Variants in CYP2B6 observed in about 807,000 individuals in gnomAD.
The protein encoded by CYP2B6 is cytochrome P450 2B6.
A neutral mutation model predicts 43.4 loss-of-function variants in CYP2B6; 35 were observed. The ratio of observed to expected loss-of-function variants is 0.81; its 90% CI spans 0.62 to 1.07. The LOEUF (loss-of-function observed/expected upper bound fraction) is 1.07, where lower values mean the gene tolerates loss of function less well. Ranked by LOEUF, CYP2B6 falls within the 50% of genes least tolerant of loss-of-function variation. CYP2B6 has a pLI of 0.00. For synonymous variants in CYP2B6, 239 were observed against 239.2 expected (o/e 1.00, Z 0.01); for missense variants, 624 against 632.8 (o/e 0.99, Z 0.15).
intron 1 of CYP2B6, among the ~76,000 whole-genome samples, chr19:40,996,064 C>T (rs548144843): frequency 8.5e-4 from 130 of 152,204 alleles, no homozygotes; most frequent in South Asian, 7.7e-3. Context: ...CTAACCTTAT[C>T]GGTCCGGTGA....
Position 41,010,037 on chromosome 19 carries a change from A to T in CYP2B6, c.866A>T (p.Asn289Ile), listed in dbSNP as rs1400093417. 8.1e-6 allele frequency: 13 copies of T among 1,613,936 alleles called. No homozygotes were observed. Among genetic ancestry groups the T allele is most frequent in the Middle Eastern group, 1.6e-4 (1 of 6,084 alleles). ...AGTGAATTCAGCCACCAGAACCTCA[A>T]CCTCAACACGCTCTCGCTCTTCTTT... is the stretch of plus-strand genomic sequence containing the variant. ...AHSEFSHQNL[N>I]LNTLSLFFAG... is the part of the protein sequence containing the mutation. The change falls in exon 6 of 9, where the codon AAC becomes ATC. Residue 289 changes from asparagine to isoleucine, a missense_variant. Transcript: ENST00000324071.
At chr19:41,006,625 G>T (rs1178929273) in intron 3 of CYP2B6, among the ~76,000 whole-genome samples, 1 of 151,908 alleles carries the variant, frequency 6.6e-6, no homozygotes. Flanking sequence ...CTAAATCCTG[G>T]CCTCAGTAAT....
Position 41,012,435 on chromosome 19 carries a change from C to A in CYP2B6, c.1102C>A (p.Pro368Thr). 1 of 1,614,048 alleles carries A rather than the reference C, an allele frequency of 6.2e-7. No homozygotes were observed. The highest frequency in any genetic ancestry group is 1.3e-5 in the African/African-American group (1 of 75,010). ...RFSDLLPMGV[P>T]HIVTQHTSFR... ...TTCCGACCTTCTCCCCATGGGTGTG[C>A]CCCACATTGTCACCCAACACACCAG... is the stretch of plus-strand genomic sequence containing the variant. The change falls in exon 7 of 9, where the codon CCC (proline) becomes ACC (threonine). Residue 368 changes from proline to threonine, a missense_variant. Transcript: ENST00000324071.
At chr19:40,995,246 T>C (rs1968983337) in intron 1 of CYP2B6, among the ~76,000 whole-genome samples, 1 of 152,180 alleles carries the variant, frequency 6.6e-6, no homozygotes, top group Non-Finnish European at 1.5e-5. Flanking sequence ...CAACTGCTTC[T>C]GGGGAAAAAC....
intron 5 of CYP2B6, 70 bp downstream of exon 5, chr19:41,009,465 G>A (rs1355784538): frequency 2.0e-5 from 27 of 1,348,752 alleles, no homozygotes; most frequent in Non-Finnish European, 2.4e-5. Flanking sequence ...GAAGAGGGAG[G>A]GAAAAGGGGT....
intron 8 of CYP2B6, among the ~76,000 whole-genome samples, chr19:41,014,539 T>C (rs551206921): frequency 1.2e-3 from 184 of 152,208 alleles, no homozygotes; most frequent in African/African-American, 4.3e-3. Flanking sequence ...TCTTCTGACC[T>C]TGTGATATGC....
intron 4 of CYP2B6, chr19:41,007,624 AT>A (rs10617307): frequency 0.3 from 44,708 of 146,790 alleles, 7,297 homozygotes; most frequent in African/African-American, 0.43. Context: ...CACCTGGCTA[AT>A]TTTTTTTTTT....
chr19:40,994,161 A>G (rs1670399154), intron 1 of CYP2B6, among the ~76,000 whole-genome samples: 1 of 152,130 alleles, frequency 6.6e-6, no homozygotes, highest in Admixed American at 6.6e-5. Flanking sequence ...GGTTGATAGT[A>G]ATTTCAGTTA....
At chr19:41,008,025 ATT>A (rs1410885394) in intron 4 of CYP2B6, among the ~76,000 whole-genome samples, 2 of 149,252 alleles carry the variant, frequency 1.3e-5, no homozygotes, top group African/African-American at 4.9e-5. Flanking sequence ...GCATTTCTTC[ATT>A]TTCTCCCATT....
At chr19:41,011,165 T>C (rs1969277880) in intron 6 of CYP2B6, among the ~76,000 whole-genome samples, 1 of 152,168 alleles carries the variant, frequency 6.6e-6, no homozygotes, top group South Asian at 2.1e-4. Context: ...ACGAACTAGG[T>C]TTCACTCTTA....
At chr19:40,995,001 C>T (rs749802657) in intron 1 of CYP2B6, among the ~76,000 whole-genome samples, 6 of 151,920 alleles carry the variant, frequency 3.9e-5, no homozygotes, top group Non-Finnish European at 5.9e-5. Context: ...GATTTTGGGG[C>T]GTTGGTTCAG....
In CYP2B6 at chr19:41,009,373, C is replaced by A. The variant is rs749631638; in HGVS notation, c.800C>A (p.Thr267Asn). The stretch of plus-strand genomic sequence containing the variant: ...AGCGCCCCCAAGGACCTCATCGACA[C>A]CTACCTGCTCCACATGGAAAAAGTG... ...DPSAPKDLID[T>N]YLLHMEKEKS... The change falls in exon 5 of 9, where the codon ACC becomes AAC. Residue 267 changes from threonine (T) to asparagine (N), a missense_variant. By Grantham distance (65) the Thr-to-Asn change is moderately conservative. Transcript: ENST00000324071. 20 of 1,582,234 alleles carry A rather than the reference C, an allele frequency of 1.3e-5. 1 individual carries two copies. Among genetic ancestry groups the A allele is most frequent in the Non-Finnish European group, 1.5e-5 (17 of 1,155,658 alleles).
rs1388775859 is a variant in CYP2B6 at position 41,018,139 on chromosome 19, T to C, written c.*1312T>C. On this transcript the variant is annotated 3_prime_UTR_variant, in exon 9 of 9. Transcript: ENST00000324071. Reference sequence around the variant, plus strand: ...TATTACAGGCATAATATGTGATCTTTTGTGTCTGGTTGCTTTCATGTTGAA... The same window carrying C: ...TATTACAGGCATAATATGTGATCTTCTGTGTCTGGTTGCTTTCATGTTGAA... The C allele has an allele frequency of 6.6e-6, 1 of 152,222 alleles. No individual in the cohort carries two copies. Among genetic ancestry groups the C allele is most frequent in the Admixed American group, 6.5e-5 (1 of 15,276 alleles). 9.4% of individuals were successfully genotyped at this position (152,222 alleles called of 1,614,324 possible).
intron 1 of CYP2B6, among the ~76,000 whole-genome samples, chr19:40,997,914 A>T (rs1340317317): frequency 7.9e-5 from 12 of 152,012 alleles, no homozygotes; most frequent in Admixed American, 7.9e-4. Flanking sequence ...AGCCTGGGCA[A>T]CCAAACAAGA....
intron 8 of CYP2B6, among the ~76,000 whole-genome samples, chr19:41,013,298 C>G (rs1568563670): frequency 1.3e-5 from 2 of 152,180 alleles, no homozygotes; most frequent in South Asian, 4.1e-4. Flanking sequence ...GACATGCTCA[C>G]AAGGGCAATT....
chr19:41,012,112 CTAATTTTTTG>C (rs1969293726), intron 6 of CYP2B6, among the ~76,000 whole-genome samples, 176 bp from the exon 7 acceptor site: 1 of 152,070 alleles, frequency 6.6e-6, no homozygotes, highest in East Asian at 1.9e-4. Context: ...GCACACCCAG[CTAATTTTTTG>C]TATTTTTAGG....
Position 41,016,897 on chromosome 19 carries a change from C to G in CYP2B6, c.*70C>G. The G allele has an allele frequency of 6.6e-7, 1 of 1,521,844 alleles. No individual in the cohort carries two copies. Among genetic ancestry groups the G allele is most frequent in the Non-Finnish European group, 8.9e-7 (1 of 1,118,350 alleles). The allele number at this position is 1,521,844 out of a possible 1,614,324, so 94.3% of individuals were successfully genotyped here. On this transcript the variant is annotated 3_prime_UTR_variant, in exon 9 of 9. Coordinates refer to ENST00000324071, the MANE Select transcript of CYP2B6 (RefSeq NM_000767.5). ...GTCCCCGCCTCTGTAGACAATGGCT[C>G]TGACTCCCCGCAACTTCCTGCCTCT...
rs763207202 is a variant in CYP2B6, at chr19:41,012,301, G to C, written c.968G>C (p.Arg323Thr). ...ATTGGTCTTCTTTTCTGTACAGAGA[G>C]AGTCTACAGGGAGATTGAACAGGTG... ...LMLKYPHVAERVYREIEQVIG... is the reference protein window; with the variant it reads ...LMLKYPHVAETVYREIEQVIG... The change falls in exon 7 of 9, where the codon AGA becomes ACA. Residue 323 changes from arginine (R) to threonine (T), a missense_variant. Physicochemically the swap from Arg to Thr is moderately conservative, Grantham distance 71 (BLOSUM62 -1). Transcript: ENST00000324071. 3.1e-6 allele frequency: 5 copies of C among 1,613,922 alleles called. No individual in the cohort carries two copies. In the East Asian group the frequency reaches 1.1e-4, roughly 36 times the overall value.
intron 8 of CYP2B6, 76 bp downstream of exon 8, chr19:41,012,891 G>C (rs1042357592): frequency 6.6e-7 from 1 of 1,509,226 alleles, no homozygotes; most frequent in African/African-American, 1.4e-5. Flanking sequence ...AACAACGAGA[G>C]ATACTGATTA....
Sources: allele counts gnomAD v4.1 joint callset (sites outside exome capture counted in the v4.1 genomes callset), GRCh38; gene constraint gnomAD v4.1.1; transcripts MANE v1.5; gene names NCBI Gene and HGNC (gene_info 2026-07-23, HGNC 2026-07-21).